HERC1: variants seen among roughly 807,000 people sequenced by gnomAD.
The protein encoded by HERC1 is probable E3 ubiquitin-protein ligase HERC1.
In HERC1, 160 loss-of-function variants were observed where a neutral mutation model predicts 554.3. The ratio of observed to expected loss-of-function variants is 0.29; its 90% CI spans 0.25 to 0.33. HERC1 has a LOEUF of 0.33. Among genes scored for constraint, HERC1 ranks in the 10% least tolerant of loss-of-function variants. The probability of loss-of-function intolerance (pLI) is 1.00; values close to 1 mark genes in which losing one functional copy is unlikely to be tolerated. For synonymous variants in HERC1, 2,175 were observed against 2,131.7 expected (o/e 1.02, Z -0.56); for missense variants, 4,919 against 5,918.5 (o/e 0.83, Z 5.54).
At position 63,634,770 on chromosome 15, in the gene HERC1, T is replaced by A; in HGVS notation, c.12533A>T (p.Glu4178Val). ...LGNTSNKKLP[E>V]RVTALEGYQI... The stretch of plus-strand genomic sequence containing the variant: ...ATATCCCTCCAGTGCAGTCACTCTC[T>A]CTGGAAGTTTTTTGTTAGAGGTATT... Residue 4178 changes from glutamate to valine, a missense_variant, in exon 66 of 78, where the codon GAG (glutamate) becomes GTG (valine). By Grantham distance (121) the Glu-to-Val change is moderately radical. Transcript: ENST00000443617. 4.3e-6 allele frequency: 7 copies of A among 1,613,122 alleles called. No homozygotes were observed. Among genetic ancestry groups the A allele is most frequent in the Non-Finnish European group, 3.4e-6 (4 of 1,179,344 alleles).
intron 24 of HERC1, among the ~76,000 whole-genome samples, chr15:63,708,697 AT>A (rs2073141058): frequency 6.6e-6 from 1 of 152,244 alleles, no homozygotes; most frequent in African/African-American, 2.4e-5. Context: ...AACTTCTAAC[AT>A]TTTAAAAAGC....
chr15:63,649,093 G>A (rs746926196), intron 54 of HERC1, among the ~76,000 whole-genome samples: 5 of 152,132 alleles, frequency 3.3e-5, no homozygotes, highest in Admixed American at 6.5e-5. Context: ...GGTGGCTCAC[G>A]CCTGTAATCC....
intron 34 of HERC1, among the ~76,000 whole-genome samples, chr15:63,683,344 G>C (rs1468854717): frequency 6.6e-6 from 1 of 152,108 alleles, no homozygotes; most frequent in East Asian, 1.9e-4. Flanking sequence ...TCTATAACTG[G>C]TGGGTTTTTG....
At chr15:63,748,281 A>G (rs1346147853) in intron 10 of HERC1, among the ~76,000 whole-genome samples, 3 of 152,136 alleles carry the variant, frequency 2.0e-5, no homozygotes, top group Admixed American at 2.0e-4. Context: ...ACAAGATACA[A>G]AGAAGACATT....
chr15:63,633,260 T>G (rs1401320426), intron 67 of HERC1, among the ~76,000 whole-genome samples: 2 of 152,386 alleles, frequency 1.3e-5, no homozygotes, highest in East Asian at 3.9e-4. Context: ...AGACTATAAA[T>G]GGTGGTGAAT....
chr15:63,692,861 C>A lies in HERC1; in HGVS notation c.5675-295G>T, dbSNP rs1595988494. On this transcript the variant is annotated intron_variant, in intron 30 of 77. Coordinates refer to ENST00000443617, the MANE Select transcript of HERC1 (RefSeq NM_003922.4). The surrounding 1 kb of genome is among the most constrained non-coding windows in gnomAD (Gnocchi z 4.7). ...AGAACAGAACAGTCTAGGAAGAAGT[C>A]GAGCTCCTCCTAATTATAATCCAGT... Among the ~76,000 whole-genome samples, 1 of 152,096 alleles carries A rather than the reference C, an allele frequency of 6.6e-6. No homozygotes were observed.
Position 63,696,041 on chromosome 15 carries a change from T to G in HERC1, c.5121+83A>C. 4 of 1,035,996 alleles carry G rather than the reference T, an allele frequency of 3.9e-6. 1 individual carries two copies. In the South Asian group the frequency reaches 5.7e-5, roughly 15 times the overall value. 64.2% of individuals were successfully genotyped at this position (1,035,996 alleles called of 1,614,324 possible). On this transcript the variant is annotated intron_variant, in intron 27 of 77. Transcript: ENST00000443617. ...GTCTTTGTATTTTTAAACTGAATCATAAACACCAAAAAGTTTCACATTATT... is the reference window on the plus strand; with the variant it reads ...GTCTTTGTATTTTTAAACTGAATCAGAAACACCAAAAAGTTTCACATTATT...
chr15:63,784,643 T>C (rs1022768393), intron 1 of HERC1, among the ~76,000 whole-genome samples: 76 of 152,162 alleles, frequency 5.0e-4, no homozygotes, highest in African/African-American at 1.8e-3. Flanking sequence ...AGTCTCACTC[T>C]GTCACCCAGG....
rs530510428 is a variant in HERC1 at position 63,622,358 on chromosome 15, C to T, written c.13688+457G>A. On this transcript the variant is annotated intron_variant, in intron 74 of 77. Coordinates refer to ENST00000443617, the MANE Select transcript of HERC1 (RefSeq NM_003922.4). ...TTTTTTTTTTTTTGAGATGTGGTCT[C>T]GCTCTGTTGCCCAGGCTGGAGTACA... 9.5e-5 allele frequency among the ~76,000 whole-genome samples: 12 copies of T among 125,972 alleles called. No homozygotes were observed. In the East Asian group the frequency reaches 2.3e-3, roughly 25 times the overall value. The allele number at this position is 125,972 out of a possible 152,430, so 82.6% of individuals were successfully genotyped here.
At chr15:63,778,512 C>T (rs1160501128) in intron 1 of HERC1, among the ~76,000 whole-genome samples, 1 of 152,078 alleles carries the variant, frequency 6.6e-6, no homozygotes, top group Non-Finnish European at 1.5e-5. Flanking sequence ...GAGAAGCATG[C>T]TTTAACAACT....
intron 12 of HERC1, among the ~76,000 whole-genome samples, chr15:63,742,492 A>G (rs2074849769): frequency 6.6e-6 from 1 of 152,190 alleles, no homozygotes; most frequent in Non-Finnish European, 1.5e-5. Flanking sequence ...ATTATCTTAT[A>G]TAATTGCCCC....
chr15:63,615,263 T>C lies in HERC1; in HGVS notation c.14094+505A>G, dbSNP rs1235198007. Among the ~76,000 whole-genome samples the C allele has an allele frequency of 3.3e-5, 5 of 152,158 alleles. No homozygotes were observed. The East Asian group carries it at 9.6e-4, about 29-fold the overall frequency. ...CCAATTCAGAACCGATTTAAGGCAC[T>C]GGGTATGGAGAAAAAGGCCTGAGAA... is the stretch of plus-strand genomic sequence containing the variant. On this transcript the variant is annotated intron_variant, in intron 76 of 77. Coordinates refer to ENST00000443617, the MANE Select transcript of HERC1 (RefSeq NM_003922.4).
In HERC1 at chr15:63,675,195, C is replaced by G. The variant is rs1002866445; in HGVS notation, c.7071-78G>C. On this transcript the variant is annotated intron_variant, in intron 37 of 77. Coordinates refer to ENST00000443617, the MANE Select transcript of HERC1 (RefSeq NM_003922.4). ...AGGAAGGTACGGAAAATAATGTAGA[C>G]AAAATAAGGTGCATCATGTACACAA... The G allele has an allele frequency of 3.3e-5, 40 of 1,195,974 alleles. No individual in the cohort carries two copies. The African/African-American group carries it at 5.8e-4, about 17-fold the overall frequency. The allele number at this position is 1,195,974 out of a possible 1,614,324, so 74.1% of individuals were successfully genotyped here. A position where few individuals can be genotyped will look rare whatever the true frequency, so the allele number is the denominator to read the frequency against.
At chr15:63,672,456 A>G (rs1333471812) in intron 39 of HERC1, 40 bp downstream of exon 39, 7 of 1,424,916 alleles carry the variant, frequency 4.9e-6, no homozygotes, top group African/African-American at 1.4e-5. Context: ...TCAGAAACAC[A>G]GGCATCAGTA....
chr15:63,693,827 A>G, intron 30 of HERC1, 137 bp downstream of exon 30: 1 of 889,422 alleles, frequency 1.1e-6, no homozygotes, highest in Non-Finnish European at 1.7e-6. Flanking sequence ...CGTGAAGAGA[A>G]AAGAGGTTTG....
chr15:63,635,076 C>T (rs1204290242), intron 65 of HERC1, 188 bp from the exon 66 acceptor site: 4 of 401,042 alleles, frequency 1.0e-5, no homozygotes, highest in Non-Finnish European at 1.8e-5. Context: ...GAGACAGTGT[C>T]TTGCTCTGTC....
intron 4 of HERC1, among the ~76,000 whole-genome samples, chr15:63,757,526 C>T (rs1403481143): frequency 1.3e-5 from 2 of 152,054 alleles, no homozygotes; most frequent in Non-Finnish European, 2.9e-5. Flanking sequence ...CTTGGCCTCC[C>T]AAAGTGCTGG....
At position 63,690,577 on chromosome 15, in the gene HERC1, A is replaced by G. The variant is rs1252335772; in HGVS notation, c.5901T>C (p.Ala1967=). 1 of 1,613,334 alleles carries G rather than the reference A, an allele frequency of 6.2e-7. No homozygotes were observed. The highest frequency in any genetic ancestry group is 1.7e-5 in the Admixed American group (1 of 59,988). The change falls in exon 32 of 78, where the codon GCT becomes GCC. Residue 1967 remains alanine (A), a synonymous_variant. Transcript: ENST00000443617. ...GATCATCTTCTACACCAGATTCACAAGCTGGCAGCACAGCTTCAAGGACAT... is the reference window on the plus strand; with the variant it reads ...GATCATCTTCTACACCAGATTCACAGGCTGGCAGCACAGCTTCAAGGACAT... The part of the protein sequence containing the change: ...ALHVLEAVLP[A]CESGVEDDQM...
chr15:63,757,636 T>C (rs1317520233), intron 4 of HERC1, among the ~76,000 whole-genome samples: 1 of 152,172 alleles, frequency 6.6e-6, no homozygotes, highest in Non-Finnish European at 1.5e-5. Flanking sequence ...TAACACTTTT[T>C]AAAAATCGAG....
Sources: gnomAD v4.1 joint callset for allele counts (sites outside exome capture counted in the v4.1 genomes callset) on GRCh38, gnomAD v4.1.1 for gene constraint, Gnocchi (gnomAD v3.1) non-coding constraint, MANE v1.5 for transcripts, NCBI Gene and HGNC (gene_info 2026-07-23, HGNC 2026-07-21) for gene names.